The following PPP1R3B variants were observed in gnomAD, a reference collection of about 807,000 sequenced individuals.
PPP1R3B encodes PP1 subunit R4.
A neutral mutation model predicts 14.6 loss-of-function variants in PPP1R3B; 8 were observed. That is an observed-to-expected ratio of 0.55 (90% confidence interval 0.32 to 0.99). PPP1R3B has a LOEUF of 0.99. Ranked by LOEUF, PPP1R3B falls within the 50% of genes least tolerant of loss-of-function variation. PPP1R3B has a pLI of 0.04. For synonymous variants in PPP1R3B, 169 were observed against 142.0 expected (o/e 1.19, Z -1.35); for missense variants, 452 against 360.1 (o/e 1.26, Z -2.07).
rs566115575 is a variant in PPP1R3B, at chr8:9,140,155, C to T, written c.*639G>A. On this transcript the variant is annotated 3_prime_UTR_variant, in exon 2 of 2. Transcript: ENST00000310455. The stretch of plus-strand genomic sequence containing the variant: ...AGGAAATGCCTGTCTCAACCACTAA[C>T]TAATTTGCCTTTATTATCTTTTCCT... The T allele has an allele frequency of 6.4e-6, 1 of 156,126 alleles. No individual in the cohort carries two copies. Among genetic ancestry groups the T allele is most frequent in the South Asian group, 1.9e-4 (1 of 5,138 alleles). 9.7% of individuals were successfully genotyped at this position (156,126 alleles called of 1,614,324 possible). A position where few individuals can be genotyped will look rare whatever the true frequency, so the allele number is the denominator to read the frequency against.
chr8:9,141,576 T>C lies in PPP1R3B; in HGVS notation c.76A>G (p.Ile26Val). The C allele has an allele frequency of 1.2e-6, 2 of 1,613,990 alleles. No individual in the cohort carries two copies. Among genetic ancestry groups the C allele is most frequent in the South Asian group, 2.2e-5 (2 of 91,074 alleles). Residue 26 changes from isoleucine (I) to valine (V), a missense_variant, in exon 2 of 2, where the codon ATC (isoleucine) becomes GTC (valine). By Grantham distance (29) the Ile-to-Val change is conservative (BLOSUM62 3). Coordinates refer to ENST00000310455, the MANE Select transcript of PPP1R3B (RefSeq NM_024607.4). ...AGTGGTTTGCTGGGCTTTGGTGAGA[T>C]CTTAAAGGCAAACCTCTCTTGGCGC... ...SLRQERFAFK[I>V]SPKPSKPLRP...
intron 1 of PPP1R3B, among the ~76,000 whole-genome samples, chr8:9,144,524 G>A (rs1801176111): frequency 6.6e-6 from 1 of 152,072 alleles, no homozygotes; most frequent in Admixed American, 6.5e-5. Flanking sequence ...GTTAAAATTG[G>A]TACAAACTTT....
chr8:9,140,559 A>C lies in PPP1R3B; in HGVS notation c.*235T>G, dbSNP rs1191867299. ...ACGTGCACAGACTCTCGTGGCTGCC[A>C]CAGTGCGAAAGCGCGCCAGCCACCA... On this transcript the variant is annotated 3_prime_UTR_variant, in exon 2 of 2. Coordinates refer to ENST00000310455, the MANE Select transcript of PPP1R3B (RefSeq NM_024607.4). The C allele has an allele frequency of 1.8e-6, 1 of 568,084 alleles. No homozygotes were observed. The highest frequency in any genetic ancestry group is 3.1e-6 in the Non-Finnish European group (1 of 322,042). 35.2% of individuals were successfully genotyped at this position (568,084 alleles called of 1,614,324 possible).
In PPP1R3B at chr8:9,140,404, G is replaced by A. The variant is rs529250451; in HGVS notation, c.*390C>T. The A allele has an allele frequency of 3.7e-5, 9 of 241,378 alleles. No homozygotes were observed. Among genetic ancestry groups the A allele is most frequent in the Middle Eastern group, 1.5e-3 (1 of 646 alleles). 15.0% of individuals were successfully genotyped at this position (241,378 alleles called of 1,614,324 possible). A position where few individuals can be genotyped will look rare whatever the true frequency, so the allele number is the denominator to read the frequency against. On this transcript the variant is annotated 3_prime_UTR_variant, in exon 2 of 2. Coordinates refer to ENST00000310455, the MANE Select transcript of PPP1R3B (RefSeq NM_024607.4). ...ACAATGAACAGTGAGGGTCTCACGC[G>A]AGGTGGCTGGGGCTGAGTGGCTTTT... is the stretch of plus-strand genomic sequence containing the variant.
At chr8:9,149,365 T>A (rs1249821850) in intron 1 of PPP1R3B, among the ~76,000 whole-genome samples, 1 of 150,012 alleles carries the variant, frequency 6.7e-6, no homozygotes, top group Non-Finnish European at 1.5e-5. Flanking sequence ...TAGCTGGGCG[T>A]GGTGGCGGGC....
At chr8:9,147,278 G>C (rs759480613) in intron 1 of PPP1R3B, among the ~76,000 whole-genome samples, 1 of 152,120 alleles carries the variant, frequency 6.6e-6, no homozygotes, top group Admixed American at 6.5e-5. Flanking sequence ...TGGGATTATA[G>C]GCATGAGCCA....
rs766400729 is a variant in PPP1R3B, at chr8:9,141,126, GA to G, written c.525del (p.Pro176LeufsTer5). On this transcript the variant is annotated frameshift_variant, in exon 2 of 2. Transcript: ENST00000310455. LOFTEE classifies it high-confidence loss of function. ...TAAGTGTCCTTCACGTACTGACAAGGAAAGTCTGTGTAGCTCTTCCAGGTGT... is the reference window on the plus strand; with the variant it reads ...TAAGTGTCCTTCACGTACTGACAAGGAAGTCTGTGTAGCTCTTCCAGGTGT... ...TFDTWKSYTD[F>X]PCQYVKDTYA... is the part of the protein sequence containing the mutation. 1.9e-6 allele frequency: 3 copies of G among 1,614,086 alleles called. No homozygotes were observed. Among genetic ancestry groups the G allele is most frequent in the South Asian group, 1.1e-5 (1 of 91,088 alleles).
At position 9,141,468 on chromosome 8, in the gene PPP1R3B, G is replaced by C. The variant is rs768094652; in HGVS notation, c.184C>G (p.Arg62Gly). 1 of 1,614,142 alleles carries C rather than the reference G, an allele frequency of 6.2e-7. No individual in the cohort carries two copies. Among genetic ancestry groups the C allele is most frequent in the Non-Finnish European group, 8.5e-7 (1 of 1,180,040 alleles). ...CCCTGGTTGTCTGCGAAGGACACCC[G>C]CTTTTTCACCTTCTTCTCCTGGACA... ...PAVQEKKVKK[R>G]VSFADNQGLA... The change falls in exon 2 of 2, where the codon CGG (arginine) becomes GGG (glycine). Residue 62 changes from arginine to glycine, a missense_variant. Transcript: ENST00000310455.
rs890252549 is a variant in PPP1R3B, at chr8:9,140,498, T to C, written c.*296A>G. On this transcript the variant is annotated 3_prime_UTR_variant, in exon 2 of 2. Coordinates refer to ENST00000310455, the MANE Select transcript of PPP1R3B (RefSeq NM_024607.4). ...TCCTCCAGCTTCATCAGCACTGGCA[T>C]AGGCTTGATTCCCATCCATACCCTT... The C allele has an allele frequency of 4.7e-6, 2 of 428,980 alleles. No homozygotes were observed. The highest frequency in any genetic ancestry group is 4.2e-5 in the African/African-American group (2 of 47,252). 26.6% of individuals were successfully genotyped at this position (428,980 alleles called of 1,614,324 possible). A position where few individuals can be genotyped will look rare whatever the true frequency, so the allele number is the denominator to read the frequency against.
Position 9,141,231 on chromosome 8 carries a change from T to G in PPP1R3B, c.421A>C (p.Lys141Gln). Residue 141 changes from lysine to glutamine, a missense_variant, in exon 2 of 2, where the codon AAG becomes CAG. By Grantham distance (53) the Lys-to-Gln change is moderately conservative. Coordinates refer to ENST00000310455, the MANE Select transcript of PPP1R3B (RefSeq NM_024607.4). ...ACAGTGCCTGCAATGGCCTTGTCCTTGAGCACACAGTTCTCAAGGCAGACG... is the reference window on the plus strand; with the variant it reads ...ACAGTGCCTGCAATGGCCTTGTCCTGGAGCACACAGTTCTCAAGGCAGACG... ...DHVCLENCVL[K>Q]DKAIAGTVKV... 1 of 1,614,240 alleles carries G rather than the reference T, an allele frequency of 6.2e-7. No homozygotes were observed. The highest frequency in any genetic ancestry group is 8.5e-7 in the Non-Finnish European group (1 of 1,180,040).
At chr8:9,147,379 A>G (rs997689455) in intron 1 of PPP1R3B, among the ~76,000 whole-genome samples, 4 of 152,014 alleles carry the variant, frequency 2.6e-5, no homozygotes, top group African/African-American at 7.3e-5. Context: ...CCATCCTGAA[A>G]AATCTGGGTG....
chr8:9,141,699 A>C, intron 1 of PPP1R3B, 31 bp from the exon 2 acceptor site: 1 of 1,581,926 alleles, frequency 6.3e-7, no homozygotes. Context: ...GAGAAGAAAG[A>C]AAACAGTGGA....
chr8:9,141,636 T>C lies in PPP1R3B; in HGVS notation c.16A>G (p.Ile6Val), dbSNP rs1801094235. The change falls in exon 2 of 2, where the codon ATC becomes GTC. Residue 6 changes from isoleucine (I) to valine (V), a missense_variant. Ile to Val is a conservative substitution (Grantham distance 29). Coordinates refer to ENST00000310455, the MANE Select transcript of PPP1R3B (RefSeq NM_024607.4). MMAVDIEYRYNCMAPS... is the reference protein window; with the variant it reads MMAVDVEYRYNCMAPS... ...GCCATGCAGTTGTATCTGTACTCGA[T>C]GTCCACAGCCATCATGGGGCTAGAT... 6.2e-7 allele frequency: 1 copy of C among 1,613,410 alleles called. No individual in the cohort carries two copies.
Position 9,141,644 on chromosome 8 carries a change from G to C in PPP1R3B, c.8C>G (p.Ala3Gly). 2 of 1,613,172 alleles carry C rather than the reference G, an allele frequency of 1.2e-6. No individual in the cohort carries two copies. Among genetic ancestry groups the C allele is most frequent in the Non-Finnish European group, 1.7e-6 (2 of 1,179,500 alleles). Residue 3 changes from alanine (A) to glycine (G), a missense_variant, in exon 2 of 2, where the codon GCT (alanine) becomes GGT (glycine). Physicochemically the swap from Ala to Gly is moderately conservative, Grantham distance 60. Transcript: ENST00000310455. ...GTTGTATCTGTACTCGATGTCCACA[G>C]CCATCATGGGGCTAGATGAACAGGC... is the stretch of plus-strand genomic sequence containing the variant. MM[A>G]VDIEYRYNCM...
At chr8:9,143,544 T>C (rs755686980) in intron 1 of PPP1R3B, among the ~76,000 whole-genome samples, 45 of 151,960 alleles carry the variant, frequency 3.0e-4, no homozygotes, top group Non-Finnish European at 5.1e-4. Context: ...TCTACTAAAA[T>C]TACAAAAATT....
In PPP1R3B at chr8:9,136,992, T is replaced by C. The variant is rs879001222; in HGVS notation, c.*3802A>G. On this transcript the variant is annotated 3_prime_UTR_variant, in exon 2 of 2. Transcript: ENST00000310455. ...TCAAAAAGAAAATGGTTTGAAAAGA[T>C]CAAAACCACAGAGCAATCTCCTAAC... The C allele has an allele frequency of 6.6e-6, 1 of 152,180 alleles. No individual in the cohort carries two copies. The highest frequency in any genetic ancestry group is 1.5e-5 in the Non-Finnish European group (1 of 68,020). 9.4% of individuals were successfully genotyped at this position (152,180 alleles called of 1,614,324 possible).
At chr8:9,148,774 G>A (rs1801317986) in intron 1 of PPP1R3B, among the ~76,000 whole-genome samples, 1 of 152,216 alleles carries the variant, frequency 6.6e-6, no homozygotes, top group Non-Finnish European at 1.5e-5. Context: ...CACGGTTTCA[G>A]GCAGCTGAAC....
intron 1 of PPP1R3B, among the ~76,000 whole-genome samples, chr8:9,143,825 C>A (rs1801158756): frequency 6.6e-6 from 1 of 152,068 alleles, no homozygotes; most frequent in Non-Finnish European, 1.5e-5. Flanking sequence ...CAAAGAGAAT[C>A]ATGCTGAAAG....
In PPP1R3B at chr8:9,138,922, G is replaced by C. The variant is rs567974617; in HGVS notation, c.*1872C>G. ...GGGCCTATCTGATAATGACTGTCCC[G>C]GAAGTCTCTCTTTTTTGAGACAGTT... On this transcript the variant is annotated 3_prime_UTR_variant, in exon 2 of 2. Coordinates refer to ENST00000310455, the MANE Select transcript of PPP1R3B (RefSeq NM_024607.4). 1 of 152,000 alleles carries C rather than the reference G, an allele frequency of 6.6e-6. No homozygotes were observed. The highest frequency in any genetic ancestry group is 2.4e-5 in the African/African-American group (1 of 41,344). 9.4% of individuals were successfully genotyped at this position (152,000 alleles called of 1,614,324 possible).
Sources: gnomAD v4.1 joint callset for allele counts (sites outside exome capture counted in the v4.1 genomes callset) on GRCh38, gnomAD v4.1.1 for gene constraint, MANE v1.5 for transcripts, NCBI Gene and HGNC (gene_info 2026-07-23, HGNC 2026-07-21) for gene names.